Variants in CSMD3 observed in about 807,000 individuals in gnomAD.
CSMD3 encodes the protein CUB and sushi domain-containing protein 3.
CSMD3 carries 177 observed loss-of-function variants against 435.2 expected under a neutral mutation model. The ratio of observed to expected loss-of-function variants is 0.41; its 90% CI spans 0.36 to 0.46. CSMD3 has a LOEUF of 0.46. Among genes scored for constraint, CSMD3 ranks in the 20% least tolerant of loss-of-function variants. The pLI is 0.34. For synonymous variants in CSMD3, 1,656 were observed against 1,520.5 expected (o/e 1.09, Z -2.07); for missense variants, 4,265 against 4,504.6 (o/e 0.95, Z 1.52).
At chr8:113,201,160 C>A (rs533524393) in intron 3 of CSMD3, among the ~76,000 whole-genome samples, 1 of 151,990 alleles carries the variant, frequency 6.6e-6, no homozygotes, top group Non-Finnish European at 1.5e-5. Flanking sequence ...CATAGCTCTG[C>A]TAAAAGGATT....
At chr8:113,104,558 T>C (rs1194120593) in intron 4 of CSMD3, among the ~76,000 whole-genome samples, 3 of 152,000 alleles carry the variant, frequency 2.0e-5, no homozygotes, top group African/African-American at 4.8e-5. Flanking sequence ...GAGAAGAAAA[T>C]TGAGCAACTG....
intron 3 of CSMD3, among the ~76,000 whole-genome samples, chr8:113,240,661 A>G (rs755337053): frequency 3.3e-5 from 5 of 152,186 alleles, no homozygotes; most frequent in African/African-American, 4.8e-5. Context: ...TTGTATTATT[A>G]AACCAAATTC....
intron 1 of CSMD3, among the ~76,000 whole-genome samples, chr8:113,366,304 A>G (rs1278068761): frequency 6.6e-6 from 1 of 151,964 alleles, no homozygotes; most frequent in East Asian, 1.9e-4. Flanking sequence ...ATAGGACACA[A>G]GGATAAATCT....
chr8:112,647,109 A>G (rs1037206906), intron 19 of CSMD3, among the ~76,000 whole-genome samples: 12 of 152,160 alleles, frequency 7.9e-5, no homozygotes, highest in African/African-American at 2.7e-4. Flanking sequence ...TCCAGGGTCT[A>G]TGATCTCAGG....
At chr8:112,675,581 C>T (rs2075754279) in intron 16 of CSMD3, among the ~76,000 whole-genome samples, 1 of 152,076 alleles carries the variant, frequency 6.6e-6, no homozygotes. Context: ...TCAGAGCCTT[C>T]TGAGACTCAG....
chr8:112,767,805 C>T (rs2078016586), intron 13 of CSMD3, among the ~76,000 whole-genome samples: 1 of 151,708 alleles, frequency 6.6e-6, no homozygotes, highest in East Asian at 1.9e-4. Flanking sequence ...CTGTTTAACA[C>T]CCATTGAATG....
chr8:112,404,875 A>G (rs1323146906), intron 35 of CSMD3, among the ~76,000 whole-genome samples: 1 of 151,728 alleles, frequency 6.6e-6, no homozygotes, highest in African/African-American at 2.4e-5. Context: ...CTTATCTTTT[A>G]TTTTAAAAAG....
intron 24 of CSMD3, among the ~76,000 whole-genome samples, chr8:112,557,496 C>G (rs1038366427): frequency 3.3e-5 from 5 of 151,946 alleles, no homozygotes; most frequent in Non-Finnish European, 7.4e-5. Context: ...TCAGTGCCGT[C>G]CCCATGGCCG....
intron 9 of CSMD3, among the ~76,000 whole-genome samples, chr8:112,924,218 T>A (rs2082837943): frequency 6.6e-6 from 1 of 152,126 alleles, no homozygotes; most frequent in Non-Finnish European, 1.5e-5. Flanking sequence ...AGGATACAAT[T>A]TAAGCGGCCA....
intron 4 of CSMD3, among the ~76,000 whole-genome samples, chr8:113,138,587 A>G (rs561301495): frequency 1.3e-5 from 2 of 151,522 alleles, no homozygotes; most frequent in East Asian, 3.9e-4. Context: ...TGCAAATACA[A>G]TTATAAGCTA....
At chr8:112,454,411 C>A (rs1301151471) in intron 32 of CSMD3, among the ~76,000 whole-genome samples, 1 of 151,976 alleles carries the variant, frequency 6.6e-6, no homozygotes, top group East Asian at 1.9e-4. Flanking sequence ...TTAAATAATG[C>A]AACAAATAAA....
intron 6 of CSMD3, among the ~76,000 whole-genome samples, chr8:112,992,887 T>C (rs1354673165): frequency 6.6e-6 from 1 of 151,466 alleles, no homozygotes; most frequent in Non-Finnish European, 1.5e-5. Flanking sequence ...AGAAAAAATA[T>C]GTGACACAGT....
chr8:113,141,507 C>T (rs1283783389), intron 4 of CSMD3, among the ~76,000 whole-genome samples: 1 of 150,830 alleles, frequency 6.6e-6, no homozygotes, highest in African/African-American at 2.4e-5. Flanking sequence ...ACATTCTAGG[C>T]ATACAAAGCT....
intron 3 of CSMD3, among the ~76,000 whole-genome samples, chr8:113,269,857 A>G (rs1329407040): frequency 6.6e-6 from 1 of 151,912 alleles, no homozygotes; most frequent in Non-Finnish European, 1.5e-5. Context: ...AACCATAAAA[A>G]CCCTAGAAGA....
chr8:112,728,671 A>AAGAAGGAATATG (rs1416217059), intron 13 of CSMD3, among the ~76,000 whole-genome samples: 3 of 151,970 alleles, frequency 2.0e-5, no homozygotes, highest in Non-Finnish European at 4.4e-5. Flanking sequence ...CTGTAACTTC[A>AAGAAGGAATATG]AGAAGGAATA....
intron 3 of CSMD3, among the ~76,000 whole-genome samples, chr8:113,260,093 T>G (rs572445449): frequency 6.6e-6 from 1 of 152,266 alleles, no homozygotes; most frequent in South Asian, 2.1e-4. Context: ...ATTGTAAGTT[T>G]CCAGAGCCCT....
At chr8:112,349,228 A>G (rs7000912) in intron 40 of CSMD3, among the ~76,000 whole-genome samples, 101,124 of 151,944 alleles carry the variant, frequency 0.67, 35,481 homozygotes, top group African/African-American at 0.89. Context: ...GTAATTGCAC[A>G]AATTAGACAA....
At chr8:113,251,264 C>G (rs908860600) in intron 3 of CSMD3, among the ~76,000 whole-genome samples, 7 of 151,878 alleles carry the variant, frequency 4.6e-5, no homozygotes, top group African/African-American at 1.7e-4. Flanking sequence ...CAGAGAGAAA[C>G]AGTAGGAAGC....
At chr8:112,946,482 A>C (rs2130791394) in intron 9 of CSMD3, among the ~76,000 whole-genome samples, 1 of 151,888 alleles carries the variant, frequency 6.6e-6, no homozygotes, top group African/African-American at 2.4e-5. Context: ...CAGTTCCATC[A>C]AATTATTAGC....
Sources: allele counts gnomAD v4.1 joint callset (sites outside exome capture counted in the v4.1 genomes callset), GRCh38; gene constraint gnomAD v4.1.1; transcripts MANE v1.5; gene names NCBI Gene and HGNC (gene_info 2026-07-23, HGNC 2026-07-21).